Variants in GNAL observed in about 807,000 individuals in gnomAD.
The protein encoded by GNAL is guanine nucleotide-binding protein G(olf) subunit alpha.
In GNAL, 18 loss-of-function variants were observed where a neutral mutation model predicts 55.1. The observed-to-expected ratio is 0.33, with a 90% confidence interval of 0.23 to 0.48. The LOEUF (loss-of-function observed/expected upper bound fraction) is 0.48, where lower values mean the gene tolerates loss of function less well. Among genes scored for constraint, GNAL ranks in the 20% least tolerant of loss-of-function variants. The pLI, the probability that GNAL is intolerant of heterozygous loss-of-function variation, is 0.99. For missense variants in GNAL, 412 were observed against 614.1 expected, an observed-to-expected ratio of 0.67 and a Z score of 3.48; for synonymous variants, 253 against 237.0, an observed-to-expected ratio of 1.07 and a Z score of -0.62.
At chr18:11,717,476 A>G (rs533121374) in intron 1 of GNAL, among the ~76,000 whole-genome samples, 7 of 152,358 alleles carry the variant, frequency 4.6e-5, no homozygotes, top group African/African-American at 1.4e-4. Flanking sequence ...TCACTACCAT[A>G]AAGACATATG....
chr18:11,768,167 A>G (rs567145396), intron 4 of GNAL, among the ~76,000 whole-genome samples: 5 of 152,366 alleles, frequency 3.3e-5, no homozygotes, highest in South Asian at 4.1e-4. Flanking sequence ...TTTGGCATAT[A>G]GTTATGCTCA....
intron 5 of GNAL, chr18:11,833,570 G>A (rs2035435659): frequency 6.6e-6 from 1 of 152,174 alleles, no homozygotes; most frequent in South Asian, 2.1e-4. Flanking sequence ...GTTTTTGTGT[G>A]TAAAACCTGT....
chr18:11,852,221 A>T (rs2035891406), intron 5 of GNAL: 1 of 1,341,018 alleles, frequency 7.5e-7, no homozygotes, highest in Admixed American at 2.9e-5. Context: ...GAATGCTGAA[A>T]TGCCCTTCTA....
At chr18:11,787,859 G>A (rs1187034487) in intron 4 of GNAL, among the ~76,000 whole-genome samples, 3 of 146,098 alleles carry the variant, frequency 2.1e-5, no homozygotes, top group Non-Finnish European at 4.5e-5. Flanking sequence ...GGGAGACAGA[G>A]CCAGACTCCA....
intron 4 of GNAL, among the ~76,000 whole-genome samples, chr18:11,757,518 T>C (rs1426948381): frequency 1.3e-5 from 2 of 151,530 alleles, no homozygotes; most frequent in Non-Finnish European, 2.9e-5. Context: ...ATCATGGGGG[T>C]GGAGAAAAGT....
At chr18:11,821,797 G>GCTCAAGA (rs1819704934) in intron 4 of GNAL, among the ~76,000 whole-genome samples, 1 of 152,160 alleles carries the variant, frequency 6.6e-6, no homozygotes, top group Non-Finnish European at 1.5e-5. Context: ...TTGAGCAGGG[G>GCTCAAGA]CCCCAGTAAA....
At chr18:11,767,792 C>A (rs1401389155) in intron 4 of GNAL, among the ~76,000 whole-genome samples, 1 of 152,244 alleles carries the variant, frequency 6.6e-6, no homozygotes, top group African/African-American at 2.4e-5. Flanking sequence ...CCAGGTCTTG[C>A]TCTTACCATC....
At chr18:11,877,645 A>T (rs2036563700) in intron 11 of GNAL, among the ~76,000 whole-genome samples, 1 of 152,022 alleles carries the variant, frequency 6.6e-6, no homozygotes, top group East Asian at 1.9e-4. Flanking sequence ...TCCCGGTAGT[A>T]CTCCAAGTGC....
chr18:11,866,920 G>C (rs2036275886), intron 7 of GNAL, among the ~76,000 whole-genome samples: 1 of 152,226 alleles, frequency 6.6e-6, no homozygotes, highest in East Asian at 1.9e-4. Flanking sequence ...GCCGGCTGCT[G>C]TCTGCTTGAT....
chr18:11,884,564 A>C lies in GNAL; in HGVS notation c.*3429A>C, dbSNP rs139322104. On this transcript the variant is annotated 3_prime_UTR_variant, in exon 12 of 12. Transcript: ENST00000334049. Reference sequence around the variant, plus strand: ...CCCACCACTCCACAGTAGATGATCAAAACCACATCCTCACGTGGGAGGTAG... The same window carrying C: ...CCCACCACTCCACAGTAGATGATCACAACCACATCCTCACGTGGGAGGTAG... 106 of 1,614,096 alleles carry C rather than the reference A, an allele frequency of 6.6e-5. No individual in the cohort carries two copies. The African/African-American group carries it at 1.1e-3, about 17-fold the overall frequency.
At chr18:11,758,671 G>A (rs927090029) in intron 4 of GNAL, among the ~76,000 whole-genome samples, 2 of 152,138 alleles carry the variant, frequency 1.3e-5, no homozygotes, top group Non-Finnish European at 2.9e-5. Context: ...TGAATTGACA[G>A]TTGCCTGATT....
chr18:11,880,429 C>T (rs996080087), intron 11 of GNAL, among the ~76,000 whole-genome samples: 3 of 151,306 alleles, frequency 2.0e-5, no homozygotes, highest in Admixed American at 6.6e-5. Flanking sequence ...ATTAGCCAGG[C>T]GTGGGCACGG....
intron 6 of GNAL, among the ~76,000 whole-genome samples, chr18:11,864,179 TGGGTTCA>T (rs1489569416): frequency 6.6e-6 from 1 of 151,664 alleles, no homozygotes; most frequent in Non-Finnish European, 1.5e-5. Flanking sequence ...TTCTGCCTCT[TGGGTTCA>T]AGCGATTCTC....
chr18:11,759,551 C>A (rs551881213), intron 4 of GNAL, among the ~76,000 whole-genome samples: 1 of 152,354 alleles, frequency 6.6e-6, no homozygotes, highest in African/African-American at 2.4e-5. Flanking sequence ...TCAGGAGGCA[C>A]CCTGTGTGGC....
At chr18:11,814,518 ACT>A (rs2034902206) in intron 4 of GNAL, among the ~76,000 whole-genome samples, 1 of 151,970 alleles carries the variant, frequency 6.6e-6, no homozygotes, top group South Asian at 2.1e-4. Flanking sequence ...ACAGAGCAAG[ACT>A]CTGTCTCAGA....
intron 1 of GNAL, among the ~76,000 whole-genome samples, chr18:11,713,754 G>A (rs937263505): frequency 2.0e-5 from 3 of 152,224 alleles, no homozygotes; most frequent in Admixed American, 1.3e-4. Context: ...TTCTGGCTCT[G>A]CTACCTCTGG....
intron 5 of GNAL, among the ~76,000 whole-genome samples, chr18:11,861,230 C>T (rs1446875221): frequency 6.6e-6 from 1 of 152,110 alleles, no homozygotes; most frequent in Non-Finnish European, 1.5e-5. Context: ...CAACAGAGAG[C>T]CTGGGCCCCC....
intron 1 of GNAL, among the ~76,000 whole-genome samples, chr18:11,719,904 A>G (rs1418415930): frequency 3.3e-5 from 5 of 152,254 alleles, no homozygotes; most frequent in African/African-American, 1.2e-4. Context: ...CCAGCAATAG[A>G]GTGCAAGAGA....
chr18:11,874,431 T>C (rs879286881), intron 10 of GNAL: 1 of 149,580 alleles, frequency 6.7e-6, no homozygotes, highest in Non-Finnish European at 1.5e-5. Flanking sequence ...TTTGTGTAAA[T>C]GTCTAAAAAG....
Sources: allele counts gnomAD v4.1 joint callset (sites outside exome capture counted in the v4.1 genomes callset), GRCh38; gene constraint gnomAD v4.1.1; transcripts MANE v1.5; gene names NCBI Gene and HGNC (gene_info 2026-07-23, HGNC 2026-07-21).